SENP8: variants seen among roughly 807,000 people sequenced by gnomAD.
SENP8 encodes the protein sentrin-specific protease 8.
SENP8 carries 10 observed loss-of-function variants against 14.4 expected under a neutral mutation model. The observed-to-expected ratio is 0.69, with a 90% confidence interval of 0.43 to 1.18. The LOEUF is 1.18. Ranked by LOEUF, SENP8 falls within the 50% of genes most tolerant of loss-of-function variation. SENP8 has a pLI of 0.00. For missense variants in SENP8, 202 were observed against 249.4 expected (o/e 0.81, Z 1.28); for synonymous variants, 94 against 95.5 (o/e 0.98, Z 0.09).
intron 1 of SENP8, among the ~76,000 whole-genome samples, chr15:72,125,659 A>G (rs1425279871): frequency 1.3e-5 from 2 of 152,080 alleles, no homozygotes; most frequent in East Asian, 1.9e-4. Flanking sequence ...AAGAAAGACT[A>G]TTTCGTGGTT....
At chr15:72,136,722 A>G (rs1424867386) in intron 1 of SENP8, among the ~76,000 whole-genome samples, 1 of 152,238 alleles carries the variant, frequency 6.6e-6, no homozygotes. Flanking sequence ...AATGGTCAGA[A>G]TTGATTAAAT....
chr15:72,126,607 G>A (rs192265478), intron 1 of SENP8, among the ~76,000 whole-genome samples: 8 of 131,316 alleles, frequency 6.1e-5, no homozygotes, highest in South Asian at 5.5e-4. Flanking sequence ...CCGGGGCGAC[G>A]GAGTGAGACT....
At chr15:72,122,047 G>A (rs2081173065) in intron 1 of SENP8, among the ~76,000 whole-genome samples, 1 of 152,164 alleles carries the variant, frequency 6.6e-6, no homozygotes, top group Admixed American at 6.5e-5. Context: ...GTCTATACCT[G>A]TGAGTCCTAC....
chr15:72,115,525 T>C (rs1219353570), upstream of SENP8, among the ~76,000 whole-genome samples: 1 of 152,126 alleles, frequency 6.6e-6, no homozygotes, highest in African/African-American at 2.4e-5. Context: ...TACAATAAAA[T>C]CACCAACTCA....
At position 72,142,532 on chromosome 15, in the gene SENP8, A is replaced by G. The variant is rs2140531796; in HGVS notation, c.*2270A>G. ...TTTTTCAAAACTGGGCTAAGCAATT[A>G]TCAAACTGAACTAACCTGCTTTCAG... On this transcript the variant is annotated 3_prime_UTR_variant, in exon 2 of 2. Coordinates refer to ENST00000340912, the MANE Select transcript of SENP8 (RefSeq NM_145204.4). The G allele has an allele frequency of 6.6e-6, 1 of 152,352 alleles. No homozygotes were observed. Among genetic ancestry groups the G allele is most frequent in the South Asian group, 2.1e-4 (1 of 4,826 alleles). 9.4% of individuals were successfully genotyped at this position (152,352 alleles called of 1,614,324 possible). A position where few individuals can be genotyped will look rare whatever the true frequency, so the allele number is the denominator to read the frequency against.
chr15:72,138,879 C>A (rs112883648), intron 1 of SENP8, among the ~76,000 whole-genome samples: 38 of 150,204 alleles, frequency 2.5e-4, no homozygotes, highest in Admixed American at 6.0e-4. Flanking sequence ...TCAAAAGAAT[C>A]GCTTCAACCC....
At chr15:72,138,613 G>A (rs2140525626) in intron 1 of SENP8, among the ~76,000 whole-genome samples, 1 of 150,942 alleles carries the variant, frequency 6.6e-6, no homozygotes, top group South Asian at 2.1e-4. Context: ...GCCTCCCAAA[G>A]TGCTGGGATT....
intron 1 of SENP8, among the ~76,000 whole-genome samples, chr15:72,120,120 T>C (rs1458124775): frequency 6.6e-6 from 1 of 152,230 alleles, no homozygotes; most frequent in African/African-American, 2.4e-5. Context: ...CTCATAGAGA[T>C]TACTACATAC....
At chr15:72,130,558 T>C (rs574245514) in intron 1 of SENP8, among the ~76,000 whole-genome samples, 43 of 13,218 alleles carry the variant, frequency 3.3e-3, no homozygotes, top group African/African-American at 6.9e-3. Context: ...TGTTTTAGGA[T>C]TTTTTTTTTT....
At chr15:72,115,104 T>C (rs1464008548), upstream of SENP8, among the ~76,000 whole-genome samples, 3 of 152,246 alleles carry the variant, frequency 2.0e-5, no homozygotes, top group Non-Finnish European at 2.9e-5. Context: ...ATTCATATAT[T>C]AGATAGTGAA....
intron 1 of SENP8, 37 bp from the exon 2 acceptor site, chr15:72,139,540 C>G: frequency 1.3e-6 from 2 of 1,509,414 alleles, no homozygotes; most frequent in South Asian, 2.7e-5. Context: ...CCGCATTTTA[C>G]AGTCAGGTAT....
rs1596663515 is a variant in SENP8 at position 72,142,946 on chromosome 15, C to G, written c.*2684C>G. 6.6e-6 allele frequency: 1 copy of G among 152,516 alleles called. No homozygotes were observed. The highest frequency in any genetic ancestry group is 6.5e-5 in the Admixed American group (1 of 15,302). 9.4% of individuals were successfully genotyped at this position (152,516 alleles called of 1,614,324 possible). On this transcript the variant is annotated 3_prime_UTR_variant, in exon 2 of 2. Coordinates refer to ENST00000340912, the MANE Select transcript of SENP8 (RefSeq NM_145204.4). ...GCGCAATGGCTCATGCCTGTAATCC[C>G]AGGACTTTGGGAGGCCAAGGCAGGC...
chr15:72,125,923 A>G (rs2081214411), intron 1 of SENP8, among the ~76,000 whole-genome samples: 1 of 151,916 alleles, frequency 6.6e-6, no homozygotes, highest in Admixed American at 6.6e-5. Flanking sequence ...TCCCAGGTTC[A>G]AGCAATTCTC....
At chr15:72,127,222 G>A (rs1359915541) in intron 1 of SENP8, among the ~76,000 whole-genome samples, 1 of 152,166 alleles carries the variant, frequency 6.6e-6, no homozygotes, top group East Asian at 1.9e-4. Flanking sequence ...GAGGGAAAGA[G>A]AAGAGGCAGG....
upstream of SENP8, chr15:72,117,668 G>A (rs942678137): frequency 3.5e-5 from 14 of 396,440 alleles, no homozygotes; most frequent in South Asian, 1.1e-3. Context: ...TGGGCGCTTG[G>A]GCGGGTCTTA....
chr15:72,117,640 G>T, upstream of SENP8: 1 of 395,590 alleles, frequency 2.5e-6, no homozygotes. Context: ...CGTGGGCCAG[G>T]ACGGGCTGCA....
At position 72,140,010 on chromosome 15, in the gene SENP8, A is replaced by C. The variant is rs1375578936; in HGVS notation, c.387A>C (p.Ala129=). 3 of 1,614,248 alleles carry C rather than the reference A, an allele frequency of 1.9e-6. No homozygotes were observed. Among genetic ancestry groups the C allele is most frequent in the East Asian group, 2.2e-5 (1 of 44,894 alleles). Residue 129 remains alanine, a synonymous_variant, in exon 2 of 2, where the codon GCA becomes GCC. Transcript: ENST00000340912. ...ATAGCAGGAGCAACTCAGTTCACGC[A>C]AAGCAGGTAGCAGAGAAACTGGAGG... ...DSHSRSNSVH[A]KQVAEKLEAF...
intron 1 of SENP8, among the ~76,000 whole-genome samples, chr15:72,119,953 C>T (rs1229560537): frequency 6.6e-6 from 1 of 152,210 alleles, no homozygotes; most frequent in African/African-American, 2.4e-5. Flanking sequence ...CCGTTCCCTT[C>T]CGTCCAGGAT....
intron 1 of SENP8, among the ~76,000 whole-genome samples, chr15:72,119,143 G>C (rs977839280): frequency 6.6e-6 from 1 of 152,180 alleles, no homozygotes; most frequent in Admixed American, 6.5e-5. Flanking sequence ...CCTCAGGAAT[G>C]TTTTCTGTTT....
Sources: allele counts gnomAD v4.1 joint callset (sites outside exome capture counted in the v4.1 genomes callset), GRCh38; gene constraint gnomAD v4.1.1; transcripts MANE v1.5; gene names NCBI Gene and HGNC (gene_info 2026-07-23, HGNC 2026-07-21).